RSPH14: variants seen among roughly 807,000 people sequenced by gnomAD.
RSPH14 encodes the protein radial spoke head 14 homolog.
In RSPH14, 20 loss-of-function variants were observed where a neutral mutation model predicts 26.7. That is an observed-to-expected ratio of 0.75 (90% CI 0.53 to 1.09). The LOEUF is 1.09. RSPH14 is among the 50% of genes least tolerant of loss of function. The probability of loss-of-function intolerance (pLI) is 0.00; values close to 1 mark genes in which losing one functional copy is unlikely to be tolerated. For missense variants in RSPH14, 449 were observed against 457.2 expected, an observed-to-expected ratio of 0.98 and a Z score of 0.16; for synonymous variants, 177 against 189.3, an observed-to-expected ratio of 0.93 and a Z score of 0.53.
intron 4 of RSPH14, among the ~76,000 whole-genome samples, chr22:23,119,861 GTTA>G (rs1030015252): frequency 2.6e-5 from 4 of 152,218 alleles, no homozygotes; most frequent in African/African-American, 4.8e-5. Context: ...CAGAGATTTT[GTTA>G]TTATTTGAGG....
intron 3 of RSPH14, chr22:23,136,306 C>A (rs1601863343): frequency 1.4e-6 from 1 of 701,462 alleles, no homozygotes; most frequent in Non-Finnish European, 2.7e-6. Context: ...CCTCATTCCC[C>A]CTTCCTGTCA....
At chr22:23,136,126 C>T in intron 3 of RSPH14, 1 of 618,152 alleles carries the variant, frequency 1.6e-6, no homozygotes, top group Non-Finnish European at 3.0e-6. Context: ...TGTCTAGTCA[C>T]CCACTCCATG....
the RSPH14 span, among the ~76,000 whole-genome samples, chr22:23,151,877 C>T: frequency 1.1e-4 from 16 of 152,326 alleles, no homozygotes; most frequent in Non-Finnish European, 2.1e-4. Context: ...CATAGAGCCT[C>T]AGCCCTGTTC....
the RSPH14 span, among the ~76,000 whole-genome samples, chr22:23,174,837 G>C: frequency 1.3e-5 from 2 of 151,740 alleles, no homozygotes; most frequent in East Asian, 3.9e-4. Context: ...GAATGGTGGT[G>C]CATGCCTGTA....
At chr22:23,154,952 C>A in the RSPH14 span, among the ~76,000 whole-genome samples, 1 of 151,934 alleles carries the variant, frequency 6.6e-6, no homozygotes, top group Admixed American at 6.6e-5. Context: ...ATGGAGAAAC[C>A]CCATCTCTAC....
the RSPH14 span, chr22:23,164,340 A>G: frequency 6.6e-6 from 1 of 152,204 alleles, no homozygotes; most frequent in Non-Finnish European, 1.5e-5. Context: ...AATCGTCCTC[A>G]TATTACCTCC....
At chr22:23,114,192 A>C (rs1030524362) in intron 4 of RSPH14, among the ~76,000 whole-genome samples, 1 of 152,138 alleles carries the variant, frequency 6.6e-6, no homozygotes, top group South Asian at 2.1e-4. Context: ...TGGCCTGTCC[A>C]TGGTGAATGG....
intron 4 of RSPH14, among the ~76,000 whole-genome samples, chr22:23,079,464 AG>A (rs987013602): frequency 9.2e-5 from 14 of 151,812 alleles, no homozygotes; most frequent in African/African-American, 1.5e-4. Flanking sequence ...GGAGTGGGGG[AG>A]GGGGAGCATG....
At chr22:23,089,204 C>T (rs781570864) in intron 4 of RSPH14, among the ~76,000 whole-genome samples, 40 of 152,204 alleles carry the variant, frequency 2.6e-4, no homozygotes, top group East Asian at 7.7e-4. Context: ...TAAGTCTTCC[C>T]GCCCCTGGCT....
intron 4 of RSPH14, among the ~76,000 whole-genome samples, chr22:23,118,720 C>T (rs1341849271): frequency 6.6e-6 from 1 of 152,212 alleles, no homozygotes; most frequent in Non-Finnish European, 1.5e-5. Context: ...GAGGAAGTCA[C>T]TGCAGGACAA....
At chr22:23,096,837 G>A (rs1461923456) in intron 4 of RSPH14, among the ~76,000 whole-genome samples, 2 of 152,256 alleles carry the variant, frequency 1.3e-5, no homozygotes, top group Middle Eastern at 3.2e-3. Flanking sequence ...GTTTAGAAGG[G>A]ATAATCCCAG....
At chr22:23,110,747 A>G (rs1298459412) in intron 4 of RSPH14, among the ~76,000 whole-genome samples, 1 of 152,214 alleles carries the variant, frequency 6.6e-6, no homozygotes, top group Non-Finnish European at 1.5e-5. Flanking sequence ...GCGTCTGCAG[A>G]GAGTTCATGC....
At chr22:23,088,403 G>C (rs540234255) in intron 4 of RSPH14, among the ~76,000 whole-genome samples, 1 of 152,290 alleles carries the variant, frequency 6.6e-6, no homozygotes, top group African/African-American at 2.4e-5. Context: ...GTCACTGCGC[G>C]GGCCTCCTCC....
rs564009320 is a variant in RSPH14 at position 23,078,019 on chromosome 22, C to T, written c.422-13886G>A. Among the ~76,000 whole-genome samples the T allele has an allele frequency of 2.0e-5, 3 of 152,348 alleles. No homozygotes were observed. In the South Asian group the frequency reaches 6.2e-4, roughly 32 times the overall value. ...GTCCCTCTGGCCTTAGCTGCCCCAGCTGCATGTGGCCTCAGGCCAGCCCCA... is the reference window on the plus strand; with the variant it reads ...GTCCCTCTGGCCTTAGCTGCCCCAGTTGCATGTGGCCTCAGGCCAGCCCCA... On this transcript the variant is annotated intron_variant, in intron 4 of 6. Coordinates refer to ENST00000216036, the MANE Select transcript of RSPH14 (RefSeq NM_014433.3).
At chr22:23,060,113 A>T (rs981064902) in intron 6 of RSPH14, among the ~76,000 whole-genome samples, 1 of 152,028 alleles carries the variant, frequency 6.6e-6, no homozygotes, top group African/African-American at 2.4e-5. Context: ...TGGGAGTTTG[A>T]GGCTGCAGTG....
At chr22:23,114,771 G>A (rs1012914706) in intron 4 of RSPH14, among the ~76,000 whole-genome samples, 2 of 152,182 alleles carry the variant, frequency 1.3e-5, no homozygotes, top group Non-Finnish European at 2.9e-5. Context: ...GGCCTGCATT[G>A]GCCACTCCGC....
chr22:23,078,502 C>A (rs1038622697), intron 4 of RSPH14, among the ~76,000 whole-genome samples: 1 of 152,240 alleles, frequency 6.6e-6, no homozygotes, highest in Non-Finnish European at 1.5e-5. Context: ...TCTGTCGTGG[C>A]TCCTGGAGTG....
At chr22:23,091,484 G>A (rs946081923) in intron 4 of RSPH14, among the ~76,000 whole-genome samples, 23 of 146,786 alleles carry the variant, frequency 1.6e-4, no homozygotes, top group African/African-American at 5.4e-4. Context: ...CAATGGACCT[G>A]CACACACACA....
the RSPH14 span, among the ~76,000 whole-genome samples, chr22:23,152,107 A>G: frequency 6.6e-6 from 1 of 152,204 alleles, no homozygotes; most frequent in Non-Finnish European, 1.5e-5. Flanking sequence ...CCCGGACAGC[A>G]CAGACGTGCC....
Sources: gnomAD v4.1 joint callset for allele counts (sites outside exome capture counted in the v4.1 genomes callset) on GRCh38, gnomAD v4.1.1 for gene constraint, MANE v1.5 for transcripts, NCBI Gene and HGNC (gene_info 2026-07-23, HGNC 2026-07-21) for gene names.